The following DPH6 variants were observed in gnomAD, a reference collection of about 807,000 sequenced individuals.
DPH6 encodes diphthine--ammonia ligase.
A neutral mutation model predicts 38.2 loss-of-function variants in DPH6; 33 were observed. That is an observed-to-expected ratio of 0.86 (90% CI 0.65 to 1.15). The LOEUF (loss-of-function observed/expected upper bound fraction) is 1.15, where lower values mean the gene tolerates loss of function less well. Ranked by LOEUF, DPH6 falls within the 50% of genes most tolerant of loss-of-function variation. The pLI is 0.00. For synonymous variants in DPH6, 108 were observed against 103.0 expected (o/e 1.05, Z -0.30); for missense variants, 325 against 320.0 (o/e 1.02, Z -0.12).
chr15:35,501,856 T>C (rs1283522044), intron 3 of DPH6, among the ~76,000 whole-genome samples: 1 of 152,172 alleles, frequency 6.6e-6, no homozygotes, highest in Non-Finnish European at 1.5e-5. Flanking sequence ...GACTACTTAA[T>C]GGATCAGAGC....
At chr15:35,224,599 G>A (rs529108478) in intron 3 of DPH6, among the ~76,000 whole-genome samples, 9 of 152,268 alleles carry the variant, frequency 5.9e-5, no homozygotes, top group East Asian at 5.8e-4. Flanking sequence ...GAGCACAGTC[G>A]CTGGATCTTA....
chr15:35,420,477 A>G (rs1376712865), intron 5 of DPH6, among the ~76,000 whole-genome samples: 1 of 152,144 alleles, frequency 6.6e-6, no homozygotes, highest in African/African-American at 2.4e-5. Context: ...GCCTGGCAAA[A>G]CAATGCAAAA....
chr15:35,533,771 T>A (rs2055124380), intron 3 of DPH6, among the ~76,000 whole-genome samples: 1 of 151,732 alleles, frequency 6.6e-6, no homozygotes, highest in Non-Finnish European at 1.5e-5. Context: ...GAAAAAAGGA[T>A]TTCAATTAAT....
intron 3 of DPH6, among the ~76,000 whole-genome samples, chr15:35,334,299 A>G (rs28517690): frequency 0.03 from 4,493 of 152,264 alleles, 221 homozygotes; most frequent in African/African-American, 0.1. Context: ...ATAGGTACAT[A>G]CACAAAAATA....
At chr15:35,182,930 T>C in the DPH6 span, among the ~76,000 whole-genome samples, 1 of 152,148 alleles carries the variant, frequency 6.6e-6, no homozygotes, top group African/African-American at 2.4e-5. Context: ...TTCCCTTCTT[T>C]GATAAATATA....
chr15:35,289,231 A>T (rs1181786635), intron 3 of DPH6, among the ~76,000 whole-genome samples: 4 of 152,324 alleles, frequency 2.6e-5, no homozygotes, highest in African/African-American at 9.6e-5. Flanking sequence ...CAGTATTACT[A>T]CATGAAACAA....
At chr15:35,436,299 T>A (rs1187133722) in intron 5 of DPH6, among the ~76,000 whole-genome samples, 2 of 151,052 alleles carry the variant, frequency 1.3e-5, no homozygotes, top group Admixed American at 6.6e-5. Flanking sequence ...ACCCCGTCTC[T>A]ACTAAAAATA....
intron 6 of DPH6, among the ~76,000 whole-genome samples, chr15:35,397,237 A>G (rs1049176206): frequency 6.6e-6 from 1 of 152,202 alleles, no homozygotes; most frequent in Non-Finnish European, 1.5e-5. Context: ...ATTTCTGTTT[A>G]CCTTTGACTC....
At chr15:35,225,448 AAAGTT>A (rs1171719763) in intron 3 of DPH6, among the ~76,000 whole-genome samples, 1 of 152,242 alleles carries the variant, frequency 6.6e-6, no homozygotes, top group Non-Finnish European at 1.5e-5. Flanking sequence ...TCAGTATAAT[AAAGTT>A]ATGTATATGG....
At chr15:35,181,807 G>A in the DPH6 span, 1 of 152,140 alleles carries the variant, frequency 6.6e-6, no homozygotes, top group Non-Finnish European at 1.5e-5. Flanking sequence ...TCACACTATA[G>A]GAGTCAGCAC....
At chr15:35,176,737 C>T in the DPH6 span, among the ~76,000 whole-genome samples, 12 of 152,204 alleles carry the variant, frequency 7.9e-5, no homozygotes, top group Non-Finnish European at 1.6e-4. Context: ...TCCCAAAGTG[C>T]TGGGATTACA....
intron 6 of DPH6, chr15:35,401,250 A>T: frequency 9.5e-7 from 1 of 1,052,390 alleles, no homozygotes; most frequent in Non-Finnish European, 1.5e-6. Flanking sequence ...GTGGTTCTGG[A>T]AACTTTGGTG....
chr15:35,174,106 C>T, the DPH6 span, among the ~76,000 whole-genome samples: 4 of 152,186 alleles, frequency 2.6e-5, no homozygotes, highest in African/African-American at 9.6e-5. Context: ...AAGGCAGTTA[C>T]TCTCCTGAGA....
At chr15:35,209,216 T>C in the DPH6 span, among the ~76,000 whole-genome samples, 1 of 152,206 alleles carries the variant, frequency 6.6e-6, no homozygotes, top group South Asian at 2.1e-4. Context: ...ACTAGGTAGA[T>C]AATATTATCT....
chr15:35,167,476 T>C, the DPH6 span, among the ~76,000 whole-genome samples: 1 of 151,212 alleles, frequency 6.6e-6, no homozygotes, highest in Non-Finnish European at 1.5e-5. Flanking sequence ...ACCGCATTCA[T>C]AGAGCTAGAA....
chr15:35,435,792 T>C (rs2053691176), intron 5 of DPH6, among the ~76,000 whole-genome samples: 1 of 152,004 alleles, frequency 6.6e-6, no homozygotes, highest in Non-Finnish European at 1.5e-5. Flanking sequence ...GAGTAAAATG[T>C]GGACCAAAAA....
At chr15:35,520,235 A>T in intron 3 of DPH6, 2 of 817,266 alleles carry the variant, frequency 2.4e-6, no homozygotes, top group Non-Finnish European at 2.9e-6. Flanking sequence ...AAAAACAAAA[A>T]AAAAACAAAA....
chr15:35,439,242 G>A (rs567701564), intron 5 of DPH6, among the ~76,000 whole-genome samples: 16 of 152,290 alleles, frequency 1.1e-4, no homozygotes, highest in African/African-American at 3.8e-4. Flanking sequence ...ATGAAAAACT[G>A]AGTAAGCTTT....
At chr15:35,515,707 C>T (rs1019969015) in intron 3 of DPH6, among the ~76,000 whole-genome samples, 4 of 118,216 alleles carry the variant, frequency 3.4e-5, no homozygotes, top group Non-Finnish European at 4.8e-5. Flanking sequence ...GGCGTCAGAG[C>T]GAGACTCCGT....
Sources: gnomAD v4.1 joint callset for allele counts (sites outside exome capture counted in the v4.1 genomes callset) on GRCh38, gnomAD v4.1.1 for gene constraint, MANE v1.5 for transcripts, NCBI Gene and HGNC (gene_info 2026-07-23, HGNC 2026-07-21) for gene names.